Variants in PDGFC observed in about 807,000 individuals in gnomAD.
PDGFC encodes the protein platelet-derived growth factor C.
PDGFC carries 12 observed loss-of-function variants against 35.5 expected under a neutral mutation model. That is an observed-to-expected ratio of 0.34 (90% CI 0.22 to 0.55). The LOEUF (loss-of-function observed/expected upper bound fraction) is 0.55. Ranked by LOEUF, PDGFC falls within the 20% of genes least tolerant of loss-of-function variation. PDGFC has a pLI of 0.91. For missense variants in PDGFC, 322 were observed against 412.4 expected, an observed-to-expected ratio of 0.78 and a Z score of 1.90; for synonymous variants, 159 against 148.8, an observed-to-expected ratio of 1.07 and a Z score of -0.50.
At chr4:156,887,457 G>A (rs1730402130) in intron 1 of PDGFC, among the ~76,000 whole-genome samples, 1 of 152,104 alleles carries the variant, frequency 6.6e-6, no homozygotes, top group South Asian at 2.1e-4. Context: ...GAGTCTACCT[G>A]AGGTCATATA....
intron 2 of PDGFC, among the ~76,000 whole-genome samples, chr4:156,816,778 C>T (rs1214223396): frequency 6.6e-6 from 1 of 152,124 alleles, no homozygotes; most frequent in Non-Finnish European, 1.5e-5. Context: ...ATTATATCTG[C>T]TTTATTTTAA....
At chr4:156,825,884 T>C (rs943791532) in intron 2 of PDGFC, among the ~76,000 whole-genome samples, 3 of 151,060 alleles carry the variant, frequency 2.0e-5, no homozygotes, top group Admixed American at 6.6e-5. Flanking sequence ...TTTTTTTTTT[T>C]CTTGAAGACA....
At chr4:156,965,093 A>C (rs1223292273) in intron 1 of PDGFC, among the ~76,000 whole-genome samples, 1 of 152,202 alleles carries the variant, frequency 6.6e-6, no homozygotes, top group Non-Finnish European at 1.5e-5. Context: ...ATCTTTATCA[A>C]GAGTAAAACG....
chr4:156,825,354 G>T (rs949943415), intron 2 of PDGFC, among the ~76,000 whole-genome samples: 5 of 148,132 alleles, frequency 3.4e-5, no homozygotes, highest in African/African-American at 5.1e-5. Context: ...TTCAAGAATA[G>T]CCTGGGAAAG....
chr4:156,961,819 C>T lies in PDGFC; in HGVS notation c.118+8967G>A, dbSNP rs79401974. Reference sequence around the variant, plus strand: ...CCTTCACCCAGCCTCATTCTGCACGCCATCCGTTTTGTGAATGAAGTGTGA... The same window carrying T: ...CCTTCACCCAGCCTCATTCTGCACGTCATCCGTTTTGTGAATGAAGTGTGA... On this transcript the variant is annotated intron_variant, in intron 1 of 5. Transcript: ENST00000502773. Among the ~76,000 whole-genome samples, 1,485 of 152,176 alleles carry T rather than the reference C, an allele frequency of 9.8e-3. 59 individuals carry two copies. In the East Asian group the frequency reaches 0.11, roughly 11 times the overall value.
intron 1 of PDGFC, among the ~76,000 whole-genome samples, chr4:156,878,537 C>A (rs959899972): frequency 1.3e-5 from 2 of 152,080 alleles, no homozygotes; most frequent in Admixed American, 6.6e-5. Context: ...GGCCCTTATC[C>A]AAAATGGTTG....
At chr4:156,952,146 T>C (rs2110941138) in intron 1 of PDGFC, among the ~76,000 whole-genome samples, 1 of 151,926 alleles carries the variant, frequency 6.6e-6, no homozygotes, top group South Asian at 2.1e-4. Context: ...TTTCAAATAA[T>C]CAAAACTGTA....
intron 1 of PDGFC, among the ~76,000 whole-genome samples, chr4:156,863,758 G>A (rs1729771395): frequency 6.6e-6 from 1 of 151,856 alleles, no homozygotes; most frequent in African/African-American, 2.4e-5. Flanking sequence ...CTTAAAAAGT[G>A]GTAAATTTCA....
chr4:156,779,642 G>T (rs959038182), intron 3 of PDGFC, among the ~76,000 whole-genome samples: 1 of 152,172 alleles, frequency 6.6e-6, no homozygotes, highest in Non-Finnish European at 1.5e-5. Context: ...TATGAAAAAA[G>T]AGATGGCTAA....
At chr4:156,966,780 G>A (rs149710490) in intron 1 of PDGFC, among the ~76,000 whole-genome samples, 280 of 152,236 alleles carry the variant, frequency 1.8e-3, no homozygotes, top group African/African-American at 6.1e-3. Flanking sequence ...TTTAACAAAC[G>A]ATATATTAGT....
chr4:156,860,446 T>G (rs1354571814), intron 1 of PDGFC, among the ~76,000 whole-genome samples: 1 of 152,152 alleles, frequency 6.6e-6, no homozygotes, highest in Non-Finnish European at 1.5e-5. Flanking sequence ...AATCTAATTC[T>G]GTAGTTGAAA....
In PDGFC at chr4:156,763,040, C is replaced by A; in HGVS notation, c.*50G>T. ...TAACGCATACGTTCTCTAATAGAAT[C>A]AGCCACTGCACTGCACAGCTCTGGG... On this transcript the variant is annotated 3_prime_UTR_variant, in exon 6 of 6. Coordinates refer to ENST00000502773, the MANE Select transcript of PDGFC (RefSeq NM_016205.3). The A allele has an allele frequency of 1.1e-6, 1 of 897,316 alleles. No homozygotes were observed. The highest frequency in any genetic ancestry group is 1.9e-6 in the Non-Finnish European group (1 of 528,456). The allele number at this position is 897,316 out of a possible 1,614,324, so 55.6% of individuals were successfully genotyped here.
rs376245361 is a variant in PDGFC, at chr4:156,774,673, AC to A, written c.496-1781del. Reference sequence around the variant, plus strand: ...CATCCTTTTTTTTTTTTTTTTTTTAACAAAAGTTTATTGAGTAACTACAGTG... The same window carrying A: ...CATCCTTTTTTTTTTTTTTTTTTTAAAAAAGTTTATTGAGTAACTACAGTG... On this transcript the variant is annotated intron_variant, in intron 3 of 5. Coordinates refer to ENST00000502773, the MANE Select transcript of PDGFC (RefSeq NM_016205.3). Among the ~76,000 whole-genome samples, 953 of 126,216 alleles carry A rather than the reference AC, an allele frequency of 7.6e-3. 5 individuals carry two copies. The highest frequency in any genetic ancestry group is 0.013 in the African/African-American group (426 of 33,316). The allele number at this position is 126,216 out of a possible 152,430, so 82.8% of individuals were successfully genotyped here.
chr4:156,848,439 C>G (rs1729376842), intron 2 of PDGFC, among the ~76,000 whole-genome samples: 1 of 151,750 alleles, frequency 6.6e-6, no homozygotes, highest in South Asian at 2.1e-4. Flanking sequence ...CTCTTTTGCA[C>G]AAGGAGAACT....
chr4:156,825,870 CT>C (rs539377092), intron 2 of PDGFC, among the ~76,000 whole-genome samples: 646 of 125,530 alleles, frequency 5.1e-3, no homozygotes, highest in African/African-American at 1.0e-2. Flanking sequence ...ATGCAATTTT[CT>C]TTTTTTTTTT....
In PDGFC at chr4:156,763,097, C is replaced by T. The variant is rs1457898893; in HGVS notation, c.1031G>A (p.Gly344Glu). The change falls in exon 6 of 6, where the codon GGA becomes GAA. Residue 344 changes from glycine to glutamate, a missense_variant. Gly to Glu is a moderately conservative substitution (Grantham distance 98). Around this residue, in one of 2 missense-constraint regions of PDGFC, gnomAD observed 202 missense variants for 295.9 expected, o/e 0.68. Coordinates refer to ENST00000502773, the MANE Select transcript of PDGFC (RefSeq NM_016205.3). ...ECDCVCRGST[G>E]G is the part of the protein sequence containing the mutation. ...CTGCTGGTGGTGATGCGGCTATCCT[C>T]CTGTGCTCCCTCTGCACACACAGTC... 1.9e-6 allele frequency: 3 copies of T among 1,574,718 alleles called. No homozygotes were observed. The highest frequency in any genetic ancestry group is 2.2e-5 in the South Asian group (2 of 90,202).
Position 156,921,999 on chromosome 4 carries a change from G to C in PDGFC, c.118+48787C>G, listed in dbSNP as rs1256968470. On this transcript the variant is annotated intron_variant, in intron 1 of 5. Transcript: ENST00000502773. ...GCAAATATTAGGTAAGGAGAAAATT[G>C]TGATGAACATGGTCCAATCCCACCA... Among the ~76,000 whole-genome samples, 4 of 152,160 alleles carry C rather than the reference G, an allele frequency of 2.6e-5. No homozygotes were observed. In the East Asian group the frequency reaches 7.7e-4, roughly 29 times the overall value.
intron 1 of PDGFC, among the ~76,000 whole-genome samples, chr4:156,963,714 A>T (rs1257423602): frequency 3.9e-5 from 6 of 152,156 alleles, no homozygotes. Context: ...GAGAAATCTG[A>T]TGACAAATAA....
chr4:156,846,486 A>T (rs1438259656), intron 2 of PDGFC, among the ~76,000 whole-genome samples: 2 of 151,766 alleles, frequency 1.3e-5, no homozygotes, highest in Non-Finnish European at 3.0e-5. Context: ...ATTCCTGACC[A>T]ATGTCATGAA....
Sources: gnomAD v4.1 joint callset for allele counts (sites outside exome capture counted in the v4.1 genomes callset) on GRCh38, gnomAD v4.1.1 for gene constraint, gnomAD v4.1.1 regional missense constraint, MANE v1.5 for transcripts, NCBI Gene and HGNC (gene_info 2026-07-23, HGNC 2026-07-21) for gene names.